BICC1: variants seen among roughly 807,000 people sequenced by gnomAD.
BICC1 encodes protein bicaudal C homolog 1.
In BICC1, 43 loss-of-function variants were observed where a neutral mutation model predicts 111.0. The ratio of observed to expected loss-of-function variants is 0.39; its 90% CI spans 0.30 to 0.50. BICC1 has a LOEUF of 0.50. BICC1 is among the 20% of genes least tolerant of loss of function. The pLI is 0.88. For synonymous variants in BICC1, 467 were observed against 434.4 expected, an observed-to-expected ratio of 1.07 and a Z score of -0.93; for missense variants, 1,091 against 1,203.2, an observed-to-expected ratio of 0.91 and a Z score of 1.38.
At chr10:58,759,355 C>T (rs950046586) in intron 3 of BICC1, among the ~76,000 whole-genome samples, 6 of 151,880 alleles carry the variant, frequency 4.0e-5, no homozygotes, top group African/African-American at 1.5e-4. Flanking sequence ...ATTTATGAAA[C>T]CTAAAATATT....
At chr10:58,555,102 A>G (rs568649745) in intron 1 of BICC1, among the ~76,000 whole-genome samples, 1 of 151,948 alleles carries the variant, frequency 6.6e-6, no homozygotes, top group African/African-American at 2.4e-5. Context: ...GAGTAAAACC[A>G]TTTTAGCTGA....
At chr10:58,693,235 C>A (rs1049887691) in intron 2 of BICC1, among the ~76,000 whole-genome samples, 19 of 152,114 alleles carry the variant, frequency 1.2e-4, no homozygotes, top group African/African-American at 3.4e-4. Context: ...GTATATGTGC[C>A]ACATTTTCTT....
At position 58,815,989 on chromosome 10, in the gene BICC1, T is replaced by C. The variant is rs565500389; in HGVS notation, c.2534-1573T>C. 2.0e-5 allele frequency among the ~76,000 whole-genome samples: 3 copies of C among 152,322 alleles called. No individual in the cohort carries two copies. The South Asian group carries it at 6.2e-4, about 32-fold the overall frequency. ...CCATGTGTGGCCAATGGCTACTGTA[T>C]TGAACAGCACAGTTTTAGATAATTT... On this transcript the variant is annotated intron_variant, in intron 18 of 20. Coordinates refer to ENST00000373886, the MANE Select transcript of BICC1 (RefSeq NM_001080512.3).
intron 2 of BICC1, among the ~76,000 whole-genome samples, chr10:58,675,323 A>G (rs934080088): frequency 2.0e-5 from 3 of 152,196 alleles, no homozygotes; most frequent in African/African-American, 4.8e-5. Flanking sequence ...ATTGGCTCAT[A>G]TTACTGAAAA....
intron 1 of BICC1, among the ~76,000 whole-genome samples, chr10:58,615,301 T>A (rs1022545125): frequency 6.6e-6 from 1 of 152,204 alleles, no homozygotes; most frequent in Admixed American, 6.5e-5. Context: ...AAATGTGTGA[T>A]TCAAATGGCC....
intron 1 of BICC1, among the ~76,000 whole-genome samples, chr10:58,617,992 G>A (rs1245411435): frequency 1.3e-5 from 2 of 152,252 alleles, no homozygotes; most frequent in Admixed American, 1.3e-4. Flanking sequence ...TACTGCTGTG[G>A]CCTCTGGGTC....
At chr10:58,641,937 A>G (rs1389942874) in intron 2 of BICC1, among the ~76,000 whole-genome samples, 1 of 152,202 alleles carries the variant, frequency 6.6e-6, no homozygotes, top group Non-Finnish European at 1.5e-5. Flanking sequence ...TGCTATTTTG[A>G]CGTCTAAATG....
At chr10:58,545,823 G>T (rs779143546) in intron 1 of BICC1, among the ~76,000 whole-genome samples, 4 of 152,040 alleles carry the variant, frequency 2.6e-5, no homozygotes, top group Non-Finnish European at 5.9e-5. Flanking sequence ...TCCAACCAAT[G>T]CAAGAACATA....
chr10:58,595,920 C>G (rs991007486), intron 1 of BICC1, among the ~76,000 whole-genome samples: 2 of 152,038 alleles, frequency 1.3e-5, no homozygotes, highest in South Asian at 4.1e-4. Context: ...TCAGTGAATC[C>G]AGGAGCTGAT....
chr10:58,793,347 T>TA lies in BICC1; in HGVS notation c.1048-136dup, dbSNP rs528730798. 1.1e-3 allele frequency: 921 copies of TA among 847,130 alleles called. 8 individuals carry two copies. The African/African-American group carries it at 0.014, about 13-fold the overall frequency. The allele number at this position is 847,130 out of a possible 1,614,324, so 52.5% of individuals were successfully genotyped here. ...ACCTGTCCTCTAAGCTATGTGAACT[T>TA]ATATAATTCAGCTTTAATACTTCAG... On this transcript the variant is annotated intron_variant, in intron 8 of 20. Transcript: ENST00000373886.
chr10:58,754,756 G>A (rs1589105121), intron 3 of BICC1, among the ~76,000 whole-genome samples: 1 of 109,380 alleles, frequency 9.1e-6, no homozygotes, highest in Non-Finnish European at 2.0e-5. Context: ...GAGGGGGGGT[G>A]TGTATGTGTG....
At chr10:58,775,784 G>A (rs1842734503) in intron 3 of BICC1, among the ~76,000 whole-genome samples, 1 of 152,122 alleles carries the variant, frequency 6.6e-6, no homozygotes, top group South Asian at 2.1e-4. Flanking sequence ...GAAGAAGGCA[G>A]ATAGGCATTT....
chr10:58,543,846 A>T (rs544244940), intron 1 of BICC1, among the ~76,000 whole-genome samples: 2 of 151,270 alleles, frequency 1.3e-5, no homozygotes, highest in Admixed American at 1.3e-4. Context: ...AAAAAAAAAA[A>T]AAAGAAACCA....
In BICC1 at chr10:58,820,417, C is replaced by T; in HGVS notation, c.2743C>T (p.Leu915=). The change falls in exon 20 of 21, where the codon CTG becomes TTG. Residue 915 remains leucine (L), a synonymous_variant. Transcript: ENST00000373886. ...TCTCACAGATCAGGATCTGAAGGAG[C>T]TGGGAATAACTACTTTTGGTGCCAG... ...LTLTDQDLKE[L]GITTFGARRK... 2 of 1,612,038 alleles carry T rather than the reference C, an allele frequency of 1.2e-6. No homozygotes were observed. Among genetic ancestry groups the T allele is most frequent in the South Asian group, 1.1e-5 (1 of 91,028 alleles).
At chr10:58,630,711 C>T (rs1475369480) in intron 2 of BICC1, among the ~76,000 whole-genome samples, 1 of 152,160 alleles carries the variant, frequency 6.6e-6, no homozygotes, top group East Asian at 1.9e-4. Context: ...ATTCAGTTAA[C>T]TGGGATAATT....
intron 1 of BICC1, among the ~76,000 whole-genome samples, chr10:58,538,810 G>T (rs1418080437): frequency 6.6e-6 from 1 of 151,800 alleles, no homozygotes; most frequent in African/African-American, 2.4e-5. Context: ...TTTGCAAATG[G>T]CCAACAAACA....
rs549259101 is a variant in BICC1, at chr10:58,592,619, G to A, written c.191-28236G>A. Among the ~76,000 whole-genome samples, 3 of 151,944 alleles carry A rather than the reference G, an allele frequency of 2.0e-5. No individual in the cohort carries two copies. The South Asian group carries it at 6.2e-4, about 32-fold the overall frequency. ...AGTCCCAGCTACTTGGGAGGCTGAG[G>A]CAGGAGAATGGCGTAAACCCAGGAG... On this transcript the variant is annotated intron_variant, in intron 1 of 20. Transcript: ENST00000373886.
chr10:58,579,900 A>C (rs1290944917), intron 1 of BICC1, among the ~76,000 whole-genome samples: 1 of 152,076 alleles, frequency 6.6e-6, no homozygotes, highest in Non-Finnish European at 1.5e-5. Context: ...TATATACTCT[A>C]GCTTACTCTC....
At chr10:58,782,591 G>T (rs1842910499) in intron 3 of BICC1, among the ~76,000 whole-genome samples, 1 of 152,200 alleles carries the variant, frequency 6.6e-6, no homozygotes, top group African/African-American at 2.4e-5. Context: ...TTCAGTAGAG[G>T]TTAACTTCAT....
Sources: allele counts gnomAD v4.1 joint callset (sites outside exome capture counted in the v4.1 genomes callset), GRCh38; gene constraint gnomAD v4.1.1; transcripts MANE v1.5; gene names NCBI Gene and HGNC (gene_info 2026-07-23, HGNC 2026-07-21).